OSBP2: variants seen among roughly 807,000 people sequenced by gnomAD.
OSBP2 encodes the protein oxysterol binding protein 2, also known as oxysterol-binding protein 2.
Under a neutral mutation model 96.0 loss-of-function variants are expected in OSBP2, and 66 were observed. The observed-to-expected ratio is 0.69, with a 90% CI of 0.56 to 0.84. OSBP2 has a LOEUF of 0.84. OSBP2 is among the 40% of genes least tolerant of loss of function. The pLI is 0.00. For synonymous variants in OSBP2, 525 were observed against 520.9 expected, an observed-to-expected ratio of 1.01 and a Z score of -0.11; for missense variants, 1,038 against 1,222.7, an observed-to-expected ratio of 0.85 and a Z score of 2.25.
intron 2 of OSBP2, among the ~76,000 whole-genome samples, chr22:30,819,921 C>T (rs777336916): frequency 1.3e-5 from 2 of 152,198 alleles, no homozygotes; most frequent in Admixed American, 6.5e-5. Flanking sequence ...TCTTCTTCAG[C>T]CTTTAGGACA....
Position 30,726,876 on chromosome 22 carries a change from C to T in OSBP2, c.645-14285C>T, listed in dbSNP as rs144075760. Among the ~76,000 whole-genome samples, 737 of 152,188 alleles carry T rather than the reference C, an allele frequency of 4.8e-3. 5 individuals carry two copies. The highest frequency in any genetic ancestry group is 0.015 in the African/African-American group (639 of 41,526). ...GCCTCATCTCCGAAAGTGAGCACTGCGTAAGTAGAGGCTTCTATTTGATGG... is the reference window on the plus strand; with the variant it reads ...GCCTCATCTCCGAAAGTGAGCACTGTGTAAGTAGAGGCTTCTATTTGATGG... On this transcript the variant is annotated intron_variant, in intron 1 of 13. Coordinates refer to ENST00000332585, the MANE Select transcript of OSBP2 (RefSeq NM_030758.4).
chr22:30,829,600 G>A (rs1370211388), intron 2 of OSBP2, among the ~76,000 whole-genome samples: 4 of 152,230 alleles, frequency 2.6e-5, no homozygotes, highest in South Asian at 4.1e-4. Context: ...GATTGCAGGC[G>A]TGAGCCACCA....
In OSBP2 at chr22:30,730,750, CTCTCTCTCTCTCTCTCTCTCTCTCTA is replaced by C. The variant is rs2089743621; in HGVS notation, c.645-10409_645-10384del. Among the ~76,000 whole-genome samples, 12 of 43,362 alleles carry C rather than the reference CTCTCTCTCTCTCTCTCTCTCTCTCTA, an allele frequency of 2.8e-4. No individual in the cohort carries two copies. The South Asian group carries it at 8.3e-3, about 30-fold the overall frequency. 28.4% of individuals were successfully genotyped at this position (43,362 alleles called of 152,430 possible). On this transcript the variant is annotated intron_variant, in intron 1 of 13. Coordinates refer to ENST00000332585, the MANE Select transcript of OSBP2 (RefSeq NM_030758.4). Reference sequence around the variant, plus strand: ...TCTCTCTCTCTCTCTCTCTCTCTCTCTCTCTCTCTCTCTCTCTCTCTCTCTATATATATATATATATATATATATAT... The same window carrying C: ...TCTCTCTCTCTCTCTCTCTCTCTCTCTATATATATATATATATATATATAT...
At position 30,823,908 on chromosome 22, in the gene OSBP2, A is replaced by C. The variant is rs533754294; in HGVS notation, c.854-46521A>C. On this transcript the variant is annotated intron_variant, in intron 2 of 13. Transcript: ENST00000332585. ...AGTTATGTTCTTTACGCGAAATTTA[A>C]ATGATGTTTCTGTCATCGGTTTGGA... Among the ~76,000 whole-genome samples the C allele has an allele frequency of 9.4e-4, 143 of 152,380 alleles. 1 individual carries two copies. The highest frequency in any genetic ancestry group is 3.3e-3 in the African/African-American group (138 of 41,592).
chr22:30,860,731 C>A (rs547432014), intron 2 of OSBP2, among the ~76,000 whole-genome samples: 1 of 152,344 alleles, frequency 6.6e-6, no homozygotes, highest in East Asian at 1.9e-4. Context: ...TCCTTCGAGG[C>A]AACCCTGTGG....
intron 1 of OSBP2, among the ~76,000 whole-genome samples, chr22:30,719,753 CAAAAAAAAAAGAA>C (rs1307108293): frequency 9.3e-6 from 1 of 107,794 alleles, no homozygotes; most frequent in Non-Finnish European, 1.9e-5. Flanking sequence ...GACTCTGTCT[CAAAAAAAAAAGAA>C]AAAAAAAAAA....
intron 2 of OSBP2, among the ~76,000 whole-genome samples, chr22:30,811,862 T>A (rs987209484): frequency 6.6e-6 from 1 of 151,498 alleles, no homozygotes; most frequent in Non-Finnish European, 1.5e-5. Flanking sequence ...GCCTATTTTT[T>A]TTTTTATTTT....
At chr22:30,905,686 G>T in intron 12 of OSBP2, 151 bp from the exon 13 acceptor site, 1 of 1,171,460 alleles carries the variant, frequency 8.5e-7, no homozygotes, top group Non-Finnish European at 1.2e-6. Context: ...GGCTCACTGG[G>T]GTGGGCCCAA....
chr22:30,810,046 T>TTC (rs1397584007), intron 2 of OSBP2, among the ~76,000 whole-genome samples: 1 of 151,648 alleles, frequency 6.6e-6, no homozygotes, highest in East Asian at 1.9e-4. Context: ...GACAGTGGAG[T>TTC]TCTATAGCTT....
chr22:30,898,866 T>C (rs1302012632), intron 12 of OSBP2, among the ~76,000 whole-genome samples: 1 of 54,174 alleles, frequency 1.8e-5, no homozygotes, highest in Non-Finnish European at 3.4e-5. Flanking sequence ...TTTATATTAA[T>C]AATAATAATA....
chr22:30,703,557 C>T (rs2089197247), intron 1 of OSBP2, among the ~76,000 whole-genome samples: 1 of 151,904 alleles, frequency 6.6e-6, no homozygotes, highest in African/African-American at 2.4e-5. Flanking sequence ...CTCACCACAA[C>T]CTCTGCCACC....
At chr22:30,862,091 C>T (rs1349841970) in intron 2 of OSBP2, among the ~76,000 whole-genome samples, 1 of 152,212 alleles carries the variant, frequency 6.6e-6, no homozygotes, top group Admixed American at 6.5e-5. Context: ...TGTGTCTGGT[C>T]AGAGGCTCCC....
chr22:30,749,915 C>T (rs1049685713), intron 2 of OSBP2, among the ~76,000 whole-genome samples: 6 of 151,982 alleles, frequency 3.9e-5, no homozygotes, highest in Non-Finnish European at 8.8e-5. Context: ...GCCACAGACT[C>T]GTTTCTAGTG....
In OSBP2 at chr22:30,870,891, A is replaced by G. The variant is rs555028523; in HGVS notation, c.1107+209A>G. Reference sequence around the variant, plus strand: ...GTCGTTGGGCAAGGACATTCTTCCTAATTGTCTGGAGGAAACGAGTTGGTT... The same window carrying G: ...GTCGTTGGGCAAGGACATTCTTCCTGATTGTCTGGAGGAAACGAGTTGGTT... On this transcript the variant is annotated intron_variant, in intron 3 of 13. Transcript: ENST00000332585. The surrounding 1 kb of genome is among the most constrained non-coding windows in gnomAD (Gnocchi z 4.1). Among the ~76,000 whole-genome samples, 4 of 152,260 alleles carry G rather than the reference A, an allele frequency of 2.6e-5. No individual in the cohort carries two copies. In the East Asian group the frequency reaches 7.7e-4, roughly 29 times the overall value.
rs1246967955 is a variant in OSBP2 at position 30,893,978 on chromosome 22, G to T, written c.2352G>T (p.Leu784=). The part of the protein sequence containing the change: ...KTVYQTLSAK[L]LWKKYPLPEN... Reference sequence around the variant, plus strand: ...TGTACCAGACCCTGTCAGCCAAGCTGCTGTGGAAGAAGTACCCGCTGCCGT... The same window carrying T: ...TGTACCAGACCCTGTCAGCCAAGCTTCTGTGGAAGAAGTACCCGCTGCCGT... Residue 784 remains leucine (L), a synonymous_variant, in exon 12 of 14, where the codon CTG becomes CTT. Coordinates refer to ENST00000332585, the MANE Select transcript of OSBP2 (RefSeq NM_030758.4). 2.5e-6 allele frequency: 4 copies of T among 1,598,610 alleles called. No individual in the cohort carries two copies. The highest frequency in any genetic ancestry group is 3.4e-6 in the Non-Finnish European group (4 of 1,173,088).
intron 2 of OSBP2, among the ~76,000 whole-genome samples, chr22:30,869,710 A>AT (rs535202503): frequency 6.6e-6 from 1 of 151,824 alleles, no homozygotes; most frequent in African/African-American, 2.4e-5. Context: ...TAATTTTTCT[A>AT]TTTTTTGTAG....
chr22:30,902,351 T>C lies in OSBP2; in HGVS notation c.2376-3486T>C. On this transcript the variant is annotated intron_variant, in intron 12 of 13. Transcript: ENST00000332585. Reference sequence around the variant, plus strand: ...AGACACAGATAAATTTAAAGGATTCTGCTATATAGAATTCGATGAAGTGGA... The same window carrying C: ...AGACACAGATAAATTTAAAGGATTCCGCTATATAGAATTCGATGAAGTGGA... 2.5e-6 allele frequency: 4 copies of C among 1,584,368 alleles called. No individual in the cohort carries two copies. The Admixed American group carries it at 6.7e-5, about 27-fold the overall frequency.
At position 30,885,393 on chromosome 22, in the gene OSBP2, C is replaced by A. The variant is rs191975619; in HGVS notation, c.1108-2033C>A. 1.5e-3 allele frequency among the ~76,000 whole-genome samples: 227 copies of A among 152,332 alleles called. 3 individuals carry two copies. Among genetic ancestry groups the A allele is most frequent in the Middle Eastern group, 0.014 (4 of 294 alleles). On this transcript the variant is annotated intron_variant, in intron 3 of 13. Coordinates refer to ENST00000332585, the MANE Select transcript of OSBP2 (RefSeq NM_030758.4). ...CCTCCAGGGACAGCTGAAGCCTGAG[C>A]CATCCTCTCCACTGTAATGACAGGG...
At chr22:30,730,777 T>TC (rs67602195) in intron 1 of OSBP2, among the ~76,000 whole-genome samples, 1 of 24,590 alleles carries the variant, frequency 4.1e-5, no homozygotes, top group Admixed American at 5.6e-4. Context: ...TCTCTCTCTA[T>TC]ATATATATAT....
Sources: gnomAD v4.1 joint callset for allele counts (sites outside exome capture counted in the v4.1 genomes callset) on GRCh38, gnomAD v4.1.1 for gene constraint, Gnocchi (gnomAD v3.1) non-coding constraint, MANE v1.5 for transcripts, NCBI Gene and HGNC (gene_info 2026-07-23, HGNC 2026-07-21) for gene names.